FBXO28: variants seen among roughly 807,000 people sequenced by gnomAD.
FBXO28 encodes F-box protein 28.
FBXO28 carries 8 observed loss-of-function variants against 38.1 expected under a neutral mutation model. The ratio of observed to expected loss-of-function variants is 0.21; its 90% CI spans 0.12 to 0.38. The LOEUF (loss-of-function observed/expected upper bound fraction) is 0.38. FBXO28 is among the 10% of genes least tolerant of loss of function. FBXO28 has a pLI of 1.00. For synonymous variants in FBXO28, 168 were observed against 173.8 expected (o/e 0.97, Z 0.26); for missense variants, 345 against 460.6 (o/e 0.75, Z 2.30).
chr1:224,141,312 A>G (rs920966424), intron 3 of FBXO28, among the ~76,000 whole-genome samples: 3 of 152,002 alleles, frequency 2.0e-5, no homozygotes, highest in African/African-American at 7.2e-5. Flanking sequence ...TCTAATTAAA[A>G]TACAAAAAAT....
At chr1:224,155,481 G>C (rs1657752855) in intron 4 of FBXO28, among the ~76,000 whole-genome samples, 1 of 152,120 alleles carries the variant, frequency 6.6e-6, no homozygotes, top group Non-Finnish European at 1.5e-5. Flanking sequence ...TTAAAAGAAA[G>C]GGTTCATAAG....
chr1:224,117,184 T>TTTTTTTG (rs1656661413), intron 1 of FBXO28, among the ~76,000 whole-genome samples: 1 of 150,090 alleles, frequency 6.7e-6, no homozygotes, highest in Admixed American at 6.6e-5. Flanking sequence ...TTTTTTTTTT[T>TTTTTTTG]GAGACGGAGT....
chr1:224,140,840 G>C (rs1657327396), intron 3 of FBXO28, among the ~76,000 whole-genome samples: 1 of 151,708 alleles, frequency 6.6e-6, no homozygotes, highest in African/African-American at 2.4e-5. Context: ...CAGCTACTCA[G>C]AAGGCTGAGG....
Position 224,153,277 on chromosome 1 carries a change from A to G in FBXO28, c.652A>G (p.Ile218Val), listed in dbSNP as rs758983715. ...MEYFDEKIVP[I>V]LKRKLPGSDV... is the part of the protein sequence containing the mutation. ...GTACTTTGATGAAAAGATTGTTCCA[A>G]TTTTAAAGAGGAAATTACCAGGATC... The change falls in exon 4 of 5, where the codon ATT becomes GTT. Residue 218 changes from isoleucine (I) to valine (V), a missense_variant. Physicochemically the swap from Ile to Val is conservative, Grantham distance 29 (BLOSUM62 3). This residue lies in a region of FBXO28 where 151 missense variants were observed against 188.3 expected (regional missense o/e 0.80). Transcript: ENST00000366862. The G allele has an allele frequency of 1.2e-5, 20 of 1,610,978 alleles. No individual in the cohort carries two copies. Among genetic ancestry groups the G allele is most frequent in the African/African-American group, 4.0e-5 (3 of 74,838 alleles).
chr1:224,150,255 T>G (rs757866792), intron 3 of FBXO28, among the ~76,000 whole-genome samples: 1 of 152,030 alleles, frequency 6.6e-6, no homozygotes, highest in African/African-American at 2.4e-5. Context: ...ACCCAGGAGG[T>G]GGAGGTTACA....
At position 224,157,883 on chromosome 1, in the gene FBXO28, T is replaced by C. The variant is rs1036012800; in HGVS notation, c.*137T>C. 21 of 1,431,420 alleles carry C rather than the reference T, an allele frequency of 1.5e-5. No individual in the cohort carries two copies. Among genetic ancestry groups the C allele is most frequent in the South Asian group, 3.1e-5 (2 of 63,688 alleles). 88.7% of individuals were successfully genotyped at this position (1,431,420 alleles called of 1,614,324 possible). On this transcript the variant is annotated 3_prime_UTR_variant, in exon 5 of 5. Transcript: ENST00000366862. ...AACACAACTTAAACTTGAACTCTTATGGTTGGGACATTCTTTTCCTGCTTC... is the reference window on the plus strand; with the variant it reads ...AACACAACTTAAACTTGAACTCTTACGGTTGGGACATTCTTTTCCTGCTTC...
intron 3 of FBXO28, among the ~76,000 whole-genome samples, chr1:224,148,414 G>A (rs186292607): frequency 1.3e-5 from 2 of 152,270 alleles, no homozygotes; most frequent in East Asian, 1.9e-4. Flanking sequence ...TCTTTGGGAG[G>A]CCGAGGCAGG....
intron 1 of FBXO28, among the ~76,000 whole-genome samples, chr1:224,129,457 A>G (rs1656984847): frequency 6.6e-6 from 1 of 152,238 alleles, no homozygotes; most frequent in African/African-American, 2.4e-5. Context: ...TTCTGGTTAT[A>G]GATCATATAA....
intron 1 of FBXO28, among the ~76,000 whole-genome samples, chr1:224,119,130 T>TTTTTC (rs1193319608): frequency 6.4e-5 from 4 of 62,550 alleles, no homozygotes; most frequent in Non-Finnish European, 1.2e-4. Context: ...TTTTTTCTTT[T>TTTTTC]TTTTCTTTTT....
intron 1 of FBXO28, among the ~76,000 whole-genome samples, chr1:224,121,436 T>C (rs1020087854): frequency 2.0e-5 from 3 of 152,208 alleles, no homozygotes; most frequent in Admixed American, 2.0e-4. Context: ...GAATTTCATA[T>C]ACATATATAT....
chr1:224,153,051 G>A (rs777445706), intron 3 of FBXO28, 91 bp from the exon 4 acceptor site: 13 of 976,770 alleles, frequency 1.3e-5, no homozygotes, highest in Non-Finnish European at 1.8e-5. Flanking sequence ...TACTGGAATT[G>A]CAAAACAAGC....
chr1:224,122,133 A>G (rs1656794608), intron 1 of FBXO28, among the ~76,000 whole-genome samples: 1 of 152,194 alleles, frequency 6.6e-6, no homozygotes. Flanking sequence ...AGTTGTATCC[A>G]TATTTAGGTG....
intron 4 of FBXO28, among the ~76,000 whole-genome samples, chr1:224,155,927 T>G (rs1183165486): frequency 1.3e-5 from 2 of 152,168 alleles, no homozygotes; most frequent in Non-Finnish European, 2.9e-5. Context: ...AATAAGGCAA[T>G]GTCCAATTAA....
chr1:224,142,873 G>A (rs1657394869), intron 3 of FBXO28, among the ~76,000 whole-genome samples: 1 of 152,026 alleles, frequency 6.6e-6, no homozygotes, highest in Non-Finnish European at 1.5e-5. Flanking sequence ...TTCAACCCAG[G>A]AGGCAGAGGT....
chr1:224,147,567 AT>A (rs1325766048), intron 3 of FBXO28, among the ~76,000 whole-genome samples: 2 of 152,160 alleles, frequency 1.3e-5, no homozygotes, highest in African/African-American at 4.8e-5. Flanking sequence ...GATCTAGGTT[AT>A]ATGCAAATAC....
intron 2 of FBXO28, among the ~76,000 whole-genome samples, chr1:224,133,822 A>G (rs924646702): frequency 8.3e-5 from 4 of 47,944 alleles, no homozygotes; most frequent in African/African-American, 1.5e-4. Context: ...CAAAAAACCT[A>G]ATTAAAATAT....
intron 3 of FBXO28, among the ~76,000 whole-genome samples, chr1:224,134,974 G>A (rs1179964011): frequency 1.3e-5 from 2 of 152,152 alleles, no homozygotes; most frequent in Admixed American, 1.3e-4. Context: ...TATTTCCAAA[G>A]ATAATTTACA....
At chr1:224,142,324 C>T (rs914072857) in intron 3 of FBXO28, among the ~76,000 whole-genome samples, 4 of 147,034 alleles carry the variant, frequency 2.7e-5, no homozygotes, top group Non-Finnish European at 4.5e-5. Context: ...TGCATTCCAG[C>T]TTGGGCGACA....
intron 1 of FBXO28, among the ~76,000 whole-genome samples, chr1:224,129,989 C>CA (rs562019501): frequency 1.2e-3 from 156 of 126,992 alleles, no homozygotes; most frequent in African/African-American, 3.1e-3. Context: ...GACTCCATCT[C>CA]AAAAAAAAAA....
Sources: allele counts gnomAD v4.1 joint callset (sites outside exome capture counted in the v4.1 genomes callset), GRCh38; gene constraint gnomAD v4.1.1; regional missense constraint gnomAD v4.1.1; transcripts MANE v1.5; gene names NCBI Gene and HGNC (gene_info 2026-07-23, HGNC 2026-07-21).